C5orf34: variants seen among roughly 807,000 people sequenced by gnomAD.
The protein encoded by C5orf34 is chromosome 5 open reading frame 34.
A neutral mutation model predicts 78.4 loss-of-function variants in C5orf34; 73 were observed. The ratio of observed to expected loss-of-function variants is 0.93; its 90% CI spans 0.77 to 1.13. The LOEUF (loss-of-function observed/expected upper bound fraction) is 1.13. Among genes scored for constraint, C5orf34 ranks in the 50% most tolerant of loss-of-function variants. The pLI is 0.00. For synonymous variants in C5orf34, 251 were observed against 246.6 expected (o/e 1.02, Z -0.17); for missense variants, 730 against 732.7 (o/e 1.00, Z 0.04).
Position 43,509,429 on chromosome 5 carries a change from T to C in C5orf34, c.-36-54A>G. 3 of 1,075,570 alleles carry C rather than the reference T, an allele frequency of 2.8e-6. No individual in the cohort carries two copies. In the South Asian group the frequency reaches 5.6e-5, roughly 20 times the overall value. The allele number at this position is 1,075,570 out of a possible 1,614,324, so 66.6% of individuals were successfully genotyped here. On this transcript the variant is annotated intron_variant, in intron 1 of 12. Transcript: ENST00000306862. The stretch of plus-strand genomic sequence containing the variant: ...AAATAGTTCTCTTAATGTACAAAAC[T>C]TTTATCAAAATAAGTGCGTGCATTT...
chr5:43,506,462 A>G, intron 3 of C5orf34, 68 bp from the exon 4 acceptor site: 1 of 1,429,612 alleles, frequency 7.0e-7, no homozygotes, highest in Non-Finnish European at 9.3e-7. Context: ...CATATATTTG[A>G]TATTTAAGTA....
chr5:43,493,449 A>G (rs1745366142), intron 8 of C5orf34, 94 bp downstream of exon 8: 4 of 739,734 alleles, frequency 5.4e-6, no homozygotes, highest in East Asian at 5.7e-5. Flanking sequence ...AATTTCTCAC[A>G]TGACTTAGAG....
intron 6 of C5orf34, chr5:43,496,410 G>C (rs183073960): frequency 1.7e-4 from 274 of 1,595,352 alleles, no homozygotes; most frequent in Non-Finnish European, 2.2e-4. Flanking sequence ...CCGAATTTAC[G>C]TGTCCAATGA....
intron 4 of C5orf34, 41 bp from the exon 5 acceptor site, chr5:43,503,801 A>G: frequency 4.5e-6 from 6 of 1,331,382 alleles, no homozygotes; most frequent in Non-Finnish European, 6.5e-6. Context: ...CTGGTTGCTC[A>G]ATATAATTGT....
intron 2 of C5orf34, 109 bp from the exon 3 acceptor site, chr5:43,508,775 C>T (rs1174204416): frequency 9.4e-6 from 7 of 743,668 alleles, no homozygotes; most frequent in Admixed American, 2.5e-5. Flanking sequence ...ATATTCTAGC[C>T]ACGTCAACAG....
chr5:43,492,825 C>G lies in C5orf34; in HGVS notation c.1380G>C (p.Val460=). 6.2e-7 allele frequency: 1 copy of G among 1,612,498 alleles called. No individual in the cohort carries two copies. Among genetic ancestry groups the G allele is most frequent in the Non-Finnish European group, 8.5e-7 (1 of 1,178,774 alleles). The change falls in exon 9 of 13, where the codon GTG becomes GTC. Residue 460 remains valine (V), a synonymous_variant. Transcript: ENST00000306862. ...CATCAGAGTAGGCAAGAAATCTTCC[C>G]ACACTGGGTATGAGTGACTCTTTCA... ...LVLKESLIPS[V]GRFLAYSDDK...
intron 6 of C5orf34, among the ~76,000 whole-genome samples, chr5:43,498,553 CATTG>C (rs768174544): frequency 2.6e-5 from 4 of 152,204 alleles, no homozygotes; most frequent in Non-Finnish European, 2.9e-5. Context: ...CACCACCATT[CATTG>C]ATTAATAATT....
chr5:43,491,839 A>T (rs1745293897), intron 10 of C5orf34, among the ~76,000 whole-genome samples: 2 of 151,934 alleles, frequency 1.3e-5, no homozygotes, highest in Admixed American at 1.3e-4. Flanking sequence ...CCCCATCTCT[A>T]CTAAAAATAC....
Position 43,514,997 on chromosome 5 carries a change from T to G in C5orf34, c.-228A>C, listed in dbSNP as rs1180491109. On this transcript the variant is annotated 5_prime_UTR_variant, in exon 1 of 13. Transcript: ENST00000306862. Reference sequence around the variant, plus strand: ...GAAAAAAATCACAACCCTAGAGGAATAAGGTGGCAGGGAGAGTGTTTTGGC... The same window carrying G: ...GAAAAAAATCACAACCCTAGAGGAAGAAGGTGGCAGGGAGAGTGTTTTGGC... 3.9e-5 allele frequency: 6 copies of G among 152,236 alleles called. No individual in the cohort carries two copies. Among genetic ancestry groups the G allele is most frequent in the African/African-American group, 1.2e-4 (5 of 41,530 alleles). 9.4% of individuals were successfully genotyped at this position (152,236 alleles called of 1,614,324 possible).
intron 11 of C5orf34, 183 bp from the exon 12 acceptor site, chr5:43,488,132 T>C: frequency 1.7e-6 from 1 of 585,640 alleles, no homozygotes; most frequent in Non-Finnish European, 3.0e-6. Context: ...ACTTACTGAG[T>C]GCCTTTAAAG....
In C5orf34 at chr5:43,490,681, A is replaced by C. The variant is rs762890433; in HGVS notation, c.1629T>G (p.Ser543Arg). ...ACGAATGAGTGGGCATCTCTCTGGG[A>C]CTAGTCTGGGTCAGTCTCCTGCACC... Reference protein sequence around the residue: ...TSWCRRLTQTSPREMPTHSSS... With the variant: ...TSWCRRLTQTRPREMPTHSSS... The change falls in exon 11 of 13, where the codon AGT becomes AGG. Residue 543 changes from serine (S) to arginine (R), a missense_variant. Physicochemically the swap from Ser to Arg is moderately radical, Grantham distance 110 (BLOSUM62 -1). Coordinates refer to ENST00000306862, the MANE Select transcript of C5orf34 (RefSeq NM_198566.4). 1 of 1,611,924 alleles carries C rather than the reference A, an allele frequency of 6.2e-7. No individual in the cohort carries two copies. Among genetic ancestry groups the C allele is most frequent in the South Asian group, 1.1e-5 (1 of 91,024 alleles).
intron 6 of C5orf34, among the ~76,000 whole-genome samples, chr5:43,499,382 T>G (rs917663288): frequency 6.6e-6 from 1 of 152,204 alleles, no homozygotes; most frequent in Non-Finnish European, 1.5e-5. Flanking sequence ...AAACACTGGG[T>G]CTGGTGCCCT....
At chr5:43,499,936 C>T (rs189522304) in intron 6 of C5orf34, among the ~76,000 whole-genome samples, 2 of 152,290 alleles carry the variant, frequency 1.3e-5, no homozygotes, top group East Asian at 3.9e-4. Flanking sequence ...ACAAAACACA[C>T]CCTTGGCCGT....
At chr5:43,514,452 A>G (rs1011732942) in intron 1 of C5orf34, among the ~76,000 whole-genome samples, 4 of 152,172 alleles carry the variant, frequency 2.6e-5, no homozygotes, top group African/African-American at 9.7e-5. Context: ...TCTGATTCCA[A>G]TTTGGGAAAA....
chr5:43,506,439 A>G (rs751526937), intron 3 of C5orf34, 45 bp from the exon 4 acceptor site: 6 of 1,513,722 alleles, frequency 4.0e-6, no homozygotes, highest in Non-Finnish European at 5.3e-6. Context: ...TTCTGTTAAC[A>G]GTCCAATTTT....
intron 6 of C5orf34, chr5:43,495,632 A>G: frequency 6.2e-7 from 1 of 1,602,268 alleles, no homozygotes; most frequent in Non-Finnish European, 8.6e-7. Context: ...GGTGACCACC[A>G]CACCAGGTTT....
chr5:43,499,283 C>T (rs73754743), intron 6 of C5orf34, among the ~76,000 whole-genome samples: 1,892 of 152,252 alleles, frequency 0.012, 38 homozygotes, highest in African/African-American at 0.039. Context: ...GCTCCTCCTA[C>T]CTCCATCTGT....
chr5:43,502,699 T>C (rs1352817616), intron 5 of C5orf34, among the ~76,000 whole-genome samples: 5 of 152,224 alleles, frequency 3.3e-5, no homozygotes, highest in Admixed American at 1.3e-4. Flanking sequence ...AATTGGCTTA[T>C]GCATTTATTT....
rs1344078617 is a variant in C5orf34, at chr5:43,486,926, A to C, written c.1906T>G (p.Ser636Ala). The change falls in exon 13 of 13, where the codon TCT becomes GCT. Residue 636 changes from serine to alanine, a missense_variant. Transcript: ENST00000306862. ...LHDIDCLLSN[S>A]KK ...AATAATTCCATTTTTCACTTTTTAG[A>C]GTTTGATAGAAGACAGTCAATATCG... 1 of 1,512,346 alleles carries C rather than the reference A, an allele frequency of 6.6e-7. No homozygotes were observed. Among genetic ancestry groups the C allele is most frequent in the African/African-American group, 1.4e-5 (1 of 69,984 alleles). 93.7% of individuals were successfully genotyped at this position (1,512,346 alleles called of 1,614,324 possible). A position where few individuals can be genotyped will look rare whatever the true frequency, so the allele number is the denominator to read the frequency against.
Sources: gnomAD v4.1 joint callset for allele counts (sites outside exome capture counted in the v4.1 genomes callset) on GRCh38, gnomAD v4.1.1 for gene constraint, MANE v1.5 for transcripts, NCBI Gene and HGNC (gene_info 2026-07-23, HGNC 2026-07-21) for gene names.